Variants in SPATA16 observed in about 807,000 individuals in gnomAD.
SPATA16 encodes spermatogenesis associated 16.
A neutral mutation model predicts 63.3 loss-of-function variants in SPATA16; 36 were observed. That is an observed-to-expected ratio of 0.57 (90% confidence interval 0.44 to 0.75). The LOEUF (loss-of-function observed/expected upper bound fraction) is 0.75, where lower values mean the gene tolerates loss of function less well. Among genes scored for constraint, SPATA16 ranks in the 30% least tolerant of loss-of-function variants. The pLI, the probability that SPATA16 is intolerant of heterozygous loss-of-function variation, is 0.00. For missense variants in SPATA16, 646 were observed against 679.3 expected (o/e 0.95, Z 0.54); for synonymous variants, 203 against 216.7 (o/e 0.94, Z 0.56).
intron 3 of SPATA16, among the ~76,000 whole-genome samples, 177 bp downstream of exon 3, chr3:173,048,772 A>G (rs1370092331): frequency 6.6e-6 from 1 of 152,120 alleles, no homozygotes; most frequent in East Asian, 1.9e-4. Flanking sequence ...TTCTTCCAGT[A>G]GGTTTTGAGA....
chr3:173,056,382 A>G (rs911182751), intron 2 of SPATA16, among the ~76,000 whole-genome samples: 1 of 152,214 alleles, frequency 6.6e-6, no homozygotes, highest in African/African-American at 2.4e-5. Context: ...TTCTAAGTTC[A>G]TGAATAGTTG....
At chr3:172,925,214 CAGAA>C in intron 7 of SPATA16, 128 bp downstream of exon 7, 1 of 994,340 alleles carries the variant, frequency 1.0e-6, no homozygotes, top group Non-Finnish European at 1.5e-6. Context: ...TTCCTGGAAC[CAGAA>C]TTCCAGGTAT....
At chr3:172,904,543 C>T (rs1416350673) in intron 10 of SPATA16, among the ~76,000 whole-genome samples, 1 of 152,162 alleles carries the variant, frequency 6.6e-6, no homozygotes. Context: ...TTTTAGAAGA[C>T]AGTATTTTCA....
chr3:173,123,971 C>T (rs964231865), intron 1 of SPATA16, among the ~76,000 whole-genome samples: 1 of 152,070 alleles, frequency 6.6e-6, no homozygotes, highest in Non-Finnish European at 1.5e-5. Context: ...TGCTATATTG[C>T]AGCCGTCATT....
intron 4 of SPATA16, among the ~76,000 whole-genome samples, chr3:173,015,944 C>T (rs1270435290): frequency 1.3e-5 from 2 of 151,884 alleles, no homozygotes; most frequent in African/African-American, 4.8e-5. Flanking sequence ...GACATTCATT[C>T]TATGTCAACA....
chr3:173,002,776 A>G (rs1039234893), intron 4 of SPATA16, among the ~76,000 whole-genome samples: 3 of 152,174 alleles, frequency 2.0e-5, no homozygotes, highest in Non-Finnish European at 4.4e-5. Flanking sequence ...TATATGGAAA[A>G]TGGATGTGGA....
chr3:173,137,419 A>G lies in SPATA16; in HGVS notation c.-19+3684T>C, dbSNP rs554534115. On this transcript the variant is annotated intron_variant, in intron 1 of 10. Transcript: ENST00000351008. ...CTGAAAGATAAGAAAGAACAAAATCAGATGACCACGATGTTAGACAAATTC... is the reference window on the plus strand; with the variant it reads ...CTGAAAGATAAGAAAGAACAAAATCGGATGACCACGATGTTAGACAAATTC... 5.3e-5 allele frequency among the ~76,000 whole-genome samples: 8 copies of G among 152,328 alleles called. No individual in the cohort carries two copies. In the East Asian group the frequency reaches 1.5e-3, roughly 29 times the overall value.
At chr3:173,088,421 A>T (rs556329805) in intron 2 of SPATA16, among the ~76,000 whole-genome samples, 1 of 151,994 alleles carries the variant, frequency 6.6e-6, no homozygotes, top group East Asian at 1.9e-4. Context: ...TACTTATTTT[A>T]ATTTGTTTTT....
At chr3:172,937,178 C>T (rs887196869) in intron 6 of SPATA16, among the ~76,000 whole-genome samples, 1 of 152,098 alleles carries the variant, frequency 6.6e-6, no homozygotes, top group Non-Finnish European at 1.5e-5. Context: ...AAAATCACTT[C>T]AGAACTGGTA....
At chr3:172,906,950 A>G (rs893942243) in intron 10 of SPATA16, among the ~76,000 whole-genome samples, 4 of 152,086 alleles carry the variant, frequency 2.6e-5, no homozygotes, top group African/African-American at 9.7e-5. Context: ...TCACCGTGTT[A>G]GCCAGGATGT....
At chr3:172,941,983 A>G in intron 6 of SPATA16, among the ~76,000 whole-genome samples, 1 of 152,156 alleles carries the variant, frequency 6.6e-6, no homozygotes, top group Non-Finnish European at 1.5e-5. Flanking sequence ...ATGTTATTGT[A>G]AATAAAGAAA....
At chr3:173,103,491 A>G (rs543530310) in intron 2 of SPATA16, among the ~76,000 whole-genome samples, 10 of 152,292 alleles carry the variant, frequency 6.6e-5, no homozygotes, top group African/African-American at 2.2e-4. Flanking sequence ...CAGGCTTAAC[A>G]CCATGTCAAA....
intron 2 of SPATA16, among the ~76,000 whole-genome samples, chr3:173,056,023 G>C: frequency 6.6e-6 from 1 of 152,146 alleles, no homozygotes; most frequent in African/African-American, 2.4e-5. Context: ...AGGATAAATC[G>C]TATCTAAAGG....
In SPATA16 at chr3:173,019,193, C is replaced by T. The variant is rs143643262; in HGVS notation, c.848+293G>A. Among the ~76,000 whole-genome samples, 3 of 152,202 alleles carry T rather than the reference C, an allele frequency of 2.0e-5. No homozygotes were observed. The East Asian group carries it at 5.8e-4, about 29-fold the overall frequency. ...GTCATTACAATGTGGACAAGAACAT[C>T]CCCGAGAGCAAGAGGTCAAGCGCAT... On this transcript the variant is annotated intron_variant, in intron 4 of 10. Coordinates refer to ENST00000351008, the MANE Select transcript of SPATA16 (RefSeq NM_031955.6).
chr3:173,138,080 AT>A (rs1738599495), intron 1 of SPATA16, among the ~76,000 whole-genome samples: 1 of 151,992 alleles, frequency 6.6e-6, no homozygotes, highest in African/African-American at 2.4e-5. Flanking sequence ...AACAAGTTAA[AT>A]GCATACTTTT....
chr3:173,018,409 G>A (rs1735244844), intron 4 of SPATA16, among the ~76,000 whole-genome samples: 1 of 151,710 alleles, frequency 6.6e-6, no homozygotes, highest in African/African-American at 2.4e-5. Flanking sequence ...TGACTAGCTG[G>A]GATTACAGGC....
chr3:173,078,075 T>C (rs1736846422), intron 2 of SPATA16, among the ~76,000 whole-genome samples: 1 of 152,178 alleles, frequency 6.6e-6, no homozygotes, highest in African/African-American at 2.4e-5. Flanking sequence ...ATGTGATGAA[T>C]TGTGCTAAGC....
Position 173,117,332 on chromosome 3 carries a change from C to T in SPATA16, c.400G>A (p.Gly134Ser), listed in dbSNP as rs749423241. 8 of 1,614,126 alleles carry T rather than the reference C, an allele frequency of 5.0e-6. No individual in the cohort carries two copies. In the South Asian group the frequency reaches 6.6e-5, roughly 13 times the overall value. The change falls in exon 2 of 11, where the codon GGT (glycine) becomes AGT (serine). Residue 134 changes from glycine (G) to serine (S), a missense_variant. Gly to Ser is a moderately conservative substitution (Grantham distance 56). Coordinates refer to ENST00000351008, the MANE Select transcript of SPATA16 (RefSeq NM_031955.6). ...GACTCTACAAACTCATAGCGAACAC[C>T]CATTTCATCAATGTAGACCAACTTC... ...EMKLVYIDEM[G>S]VRYEFVESFM... is the part of the protein sequence containing the mutation.
chr3:172,988,857 C>T (rs369644966), intron 4 of SPATA16, among the ~76,000 whole-genome samples: 49 of 152,196 alleles, frequency 3.2e-4, no homozygotes, highest in South Asian at 8.3e-4. Context: ...AGGCTGGTCT[C>T]GAACTCCTGA....
Sources: allele counts gnomAD v4.1 joint callset (sites outside exome capture counted in the v4.1 genomes callset), GRCh38; gene constraint gnomAD v4.1.1; transcripts MANE v1.5; gene names NCBI Gene and HGNC (gene_info 2026-07-23, HGNC 2026-07-21).